Variants in SLC6A18 observed in about 807,000 individuals in gnomAD.
SLC6A18 encodes the protein solute carrier family 6 member 18, also known as inactive sodium-dependent neutral amino acid transporter B(0)AT3.
Under a neutral mutation model 62.9 loss-of-function variants are expected in SLC6A18, and 58 were observed. That is an observed-to-expected ratio of 0.92 (90% confidence interval 0.75 to 1.15). SLC6A18 has a LOEUF of 1.15. Among genes scored for constraint, SLC6A18 ranks in the 50% most tolerant of loss-of-function variants. SLC6A18 has a pLI of 0.00. For synonymous variants in SLC6A18, 382 were observed against 365.8 expected (o/e 1.04, Z -0.51); for missense variants, 793 against 836.6 (o/e 0.95, Z 0.64).
At position 1,239,523 on chromosome 5, in the gene SLC6A18, T is replaced by A; in HGVS notation, c.806T>A (p.Phe269Tyr). Residue 269 changes from phenylalanine (F) to tyrosine (Y), a missense_variant, in exon 6 of 12, where the codon TTC (phenylalanine) becomes TAC (tyrosine). Phe to Tyr is a conservative substitution (Grantham distance 22, BLOSUM62 3). Coordinates refer to ENST00000324642, the MANE Select transcript of SLC6A18 (RefSeq NM_182632.3). The stretch of plus-strand genomic sequence containing the variant: ...ATATTCTTCTCTCTGTCCCTGGCCT[T>A]CGGAGGACACATCGCTTTTGCAAGT... ...TQIFFSLSLA[F>Y]GGHIAFASYN... 1 of 1,614,154 alleles carries A rather than the reference T, an allele frequency of 6.2e-7. No individual in the cohort carries two copies. The highest frequency in any genetic ancestry group is 8.5e-7 in the Non-Finnish European group (1 of 1,180,018).
At position 1,244,256 on chromosome 5, in the gene SLC6A18, C is replaced by T. The variant is rs770363390; in HGVS notation, c.1379C>T (p.Thr460Met). The change falls in exon 10 of 12, where the codon ACG becomes ATG. Residue 460 changes from threonine (T) to methionine (M), a missense_variant. Transcript: ENST00000324642. ...TGCTTCCTCTCCGCCACCTGCTTCA[C>T]GCTGCAGTCTGGGAACTACTGGCTG... is the stretch of plus-strand genomic sequence containing the variant. ...LVCFLSATCF[T>M]LQSGNYWLEI... is the part of the protein sequence containing the mutation. 8.8e-6 allele frequency: 14 copies of T among 1,591,178 alleles called. No homozygotes were observed. The highest frequency in any genetic ancestry group is 1.7e-5 in the Admixed American group (1 of 59,142).
chr5:1,231,679 G>T (rs1746734144), intron 1 of SLC6A18, among the ~76,000 whole-genome samples: 1 of 152,094 alleles, frequency 6.6e-6, no homozygotes, highest in African/African-American at 2.4e-5. Flanking sequence ...CGGTGACTGG[G>T]GTGTTTAAAA....
In SLC6A18 at chr5:1,243,607, A is replaced by C; in HGVS notation, c.1184A>C (p.His395Pro). The C allele has an allele frequency of 6.2e-7, 1 of 1,613,992 alleles. No homozygotes were observed. The highest frequency in any genetic ancestry group is 8.5e-7 in the Non-Finnish European group (1 of 1,179,990). Residue 395 changes from histidine to proline, a missense_variant, in exon 9 of 12, where the codon CAC becomes CCC. Coordinates refer to ENST00000324642, the MANE Select transcript of SLC6A18 (RefSeq NM_182632.3). This position sits in a 1 kb window ranked among gnomAD's most constrained non-coding sequence, Gnocchi z 6.5. The stretch of plus-strand genomic sequence containing the variant: ...GTCGTCTTCACGGAGACCGACCTCC[A>C]CATGCCGGGGGCTCCTGTGTGGGCC... ...AFVVFTETDLHMPGAPVWAML... is the reference protein window; with the variant it reads ...AFVVFTETDLPMPGAPVWAML...
At chr5:1,244,965 C>A (rs1747181743) in intron 11 of SLC6A18, among the ~76,000 whole-genome samples, 198 bp downstream of exon 11, 1 of 151,866 alleles carries the variant, frequency 6.6e-6, no homozygotes, top group Non-Finnish European at 1.5e-5. Context: ...GCCCGAGTGC[C>A]CGCTGGGATC....
chr5:1,239,632 G>A, intron 6 of SLC6A18, 70 bp downstream of exon 6: 6 of 1,189,274 alleles, frequency 5.0e-6, no homozygotes, highest in Non-Finnish European at 7.5e-6. Flanking sequence ...CCTGATCTCA[G>A]GATCACACTG....
chr5:1,239,385 C>A, intron 5 of SLC6A18, 65 bp from the exon 6 acceptor site: 1 of 1,241,288 alleles, frequency 8.1e-7, no homozygotes, highest in South Asian at 1.2e-5. Flanking sequence ...CGTTCTGGAA[C>A]AGTCAGGGCC....
Position 1,245,869 on chromosome 5 carries a change from GAGA to G in SLC6A18, c.1681_1683del (p.Lys561del), listed in dbSNP as rs1747204128. On this transcript the variant is annotated inframe_deletion, in exon 12 of 12. Coordinates refer to ENST00000324642, the MANE Select transcript of SLC6A18 (RefSeq NM_182632.3). ...GCAGGAGCTGTTCCCCTCGCGTCAG[GAGA>G]AGCTCTACCCGGGCTGGGCGCGCGC... 2.5e-6 allele frequency: 4 copies of G among 1,607,768 alleles called. No individual in the cohort carries two copies. Among genetic ancestry groups the G allele is most frequent in the Non-Finnish European group, 3.4e-6 (4 of 1,178,446 alleles).
At chr5:1,242,907 G>T in intron 8 of SLC6A18, 44 bp downstream of exon 8, 3 of 1,549,576 alleles carry the variant, frequency 1.9e-6, no homozygotes, top group Non-Finnish European at 2.6e-6. Flanking sequence ...GCCGTCCACA[G>T]GAGCACCAGG....
At chr5:1,231,177 G>A (rs754724366) in intron 1 of SLC6A18, among the ~76,000 whole-genome samples, 22 of 152,228 alleles carry the variant, frequency 1.4e-4, no homozygotes, top group Non-Finnish European at 1.9e-4. Flanking sequence ...CGCATCCTCA[G>A]CACCAGGCCC....
chr5:1,229,168 G>C (rs1197222241), intron 1 of SLC6A18, among the ~76,000 whole-genome samples: 4 of 152,116 alleles, frequency 2.6e-5, no homozygotes, highest in African/African-American at 4.8e-5. Context: ...CTGTACCACA[G>C]AGTCGACGTT....
At chr5:1,244,405 G>A (rs1747158610) in intron 10 of SLC6A18, 32 bp downstream of exon 10, 1 of 1,612,128 alleles carries the variant, frequency 6.2e-7, no homozygotes, top group Non-Finnish European at 8.5e-7. Flanking sequence ...TGCTCCTCTG[G>A]GACCCACCAG....
intron 1 of SLC6A18, among the ~76,000 whole-genome samples, chr5:1,228,585 C>A (rs58136877): frequency 0.035 from 5,391 of 152,326 alleles, 297 homozygotes; most frequent in African/African-American, 0.12. Context: ...CCGTTCACAG[C>A]CACCTTTCCC....
At chr5:1,242,243 G>A (rs1021992134) in intron 7 of SLC6A18, among the ~76,000 whole-genome samples, 1 of 152,210 alleles carries the variant, frequency 6.6e-6, no homozygotes, top group Admixed American at 6.5e-5. Flanking sequence ...CCAAACCCAG[G>A]GGGGTAGAGA....
In SLC6A18 at chr5:1,225,642, G is replaced by C. The variant is rs545987122; in HGVS notation, c.160+5G>C. ...TGTGCCAGACCTATGGAGGAGGTAA[G>C]CACCCACCTGCGTCCTGGGGCAGAC... On this transcript the variant is annotated splice_donor_5th_base_variant and intron_variant, in intron 1 of 11. Transcript: ENST00000324642. 8.3e-6 allele frequency: 13 copies of C among 1,561,560 alleles called. No homozygotes were observed. In the South Asian group the frequency reaches 1.6e-4, roughly 19 times the overall value.
intron 1 of SLC6A18, among the ~76,000 whole-genome samples, chr5:1,230,235 G>T (rs1434929471): frequency 6.6e-6 from 1 of 151,914 alleles, no homozygotes; most frequent in Non-Finnish European, 1.5e-5. Flanking sequence ...CAGGCTGGAG[G>T]TGGGGGAAGA....
intron 2 of SLC6A18, 78 bp from the exon 3 acceptor site, chr5:1,232,673 T>C: frequency 6.6e-7 from 1 of 1,520,214 alleles, no homozygotes; most frequent in African/African-American, 1.4e-5. Flanking sequence ...GTTGTTATTT[T>C]GTTTTATTCT....
chr5:1,244,166 T>TCCCCCCCCC, intron 9 of SLC6A18, 48 bp from the exon 10 acceptor site: 3 of 751,304 alleles, frequency 4.0e-6, no homozygotes, highest in East Asian at 2.6e-5. Context: ...TCCCCACACC[T>TCCCCCCCCC]CCACTCCCCA....
Position 1,232,249 on chromosome 5 carries a change from T to C in SLC6A18, c.191T>C (p.Leu64Pro), listed in dbSNP as rs763129286. The change falls in exon 2 of 12, where the codon CTG (leucine) becomes CCG (proline). Residue 64 changes from leucine to proline, a missense_variant. Coordinates refer to ENST00000324642, the MANE Select transcript of SLC6A18 (RefSeq NM_182632.3). ...GAFLIPYVIA[L>P]VFEGIPIFHV... ...TTCCTCATCCCCTACGTCATCGCGC[T>C]GGTCTTCGAGGGGATCCCCATTTTC... 6.2e-7 allele frequency: 1 copy of C among 1,612,932 alleles called. No individual in the cohort carries two copies. Among genetic ancestry groups the C allele is most frequent in the South Asian group, 1.1e-5 (1 of 90,830 alleles).
intron 1 of SLC6A18, among the ~76,000 whole-genome samples, chr5:1,230,583 G>A (rs1268494471): frequency 6.6e-6 from 1 of 152,210 alleles, no homozygotes; most frequent in Non-Finnish European, 1.5e-5. Flanking sequence ...TCCCACTCTA[G>A]GGCCTCCCTG....
Sources: gnomAD v4.1 joint callset for allele counts (sites outside exome capture counted in the v4.1 genomes callset) on GRCh38, gnomAD v4.1.1 for gene constraint, Gnocchi (gnomAD v3.1) non-coding constraint, MANE v1.5 for transcripts, NCBI Gene and HGNC (gene_info 2026-07-23, HGNC 2026-07-21) for gene names.